The following TSHZ3 variants were observed in gnomAD, a reference collection of about 807,000 sequenced individuals.
TSHZ3 encodes teashirt zinc finger homeobox 3, also known as teashirt homolog 3.
In TSHZ3, 10 loss-of-function variants were observed where a neutral mutation model predicts 64.5. The observed-to-expected ratio is 0.16, with a 90% CI of 0.10 to 0.26. The LOEUF (loss-of-function observed/expected upper bound fraction) is 0.26, where lower values mean the gene tolerates loss of function less well. TSHZ3 is among the 10% of genes least tolerant of loss of function. TSHZ3 has a pLI of 1.00. For synonymous variants in TSHZ3, 608 were observed against 593.1 expected (o/e 1.03, Z -0.36); for missense variants, 1,242 against 1,421.7 (o/e 0.87, Z 2.03).
intron 6 of TSHZ3, among the ~76,000 whole-genome samples, chr19:31,153,870 G>A (rs1242136207): frequency 6.6e-6 from 1 of 152,184 alleles, no homozygotes; most frequent in Non-Finnish European, 1.5e-5. Context: ...CACCTTTGGT[G>A]GATAGAGTTA....
intron 5 of TSHZ3, among the ~76,000 whole-genome samples, chr19:31,166,378 C>T (rs533064235): frequency 6.6e-6 from 1 of 152,168 alleles, no homozygotes; most frequent in African/African-American, 2.4e-5. Flanking sequence ...TGTGACAGGG[C>T]AGGGAGCCTG....
At chr19:31,331,508 G>T (rs117590834) in intron 1 of TSHZ3, among the ~76,000 whole-genome samples, 1 of 152,130 alleles carries the variant, frequency 6.6e-6, no homozygotes, top group Non-Finnish European at 1.5e-5. Flanking sequence ...AGATGTGGCC[G>T]AAATGTGCCC....
rs540336759 is a variant in TSHZ3 at position 31,193,784 on chromosome 19, G to C, written n.809+11172C>G. 5.9e-5 allele frequency among the ~76,000 whole-genome samples: 9 copies of C among 152,206 alleles called. No homozygotes were observed. In the South Asian group the frequency reaches 1.2e-3, roughly 21 times the overall value. Reference sequence around the variant, plus strand: ...TTCTTTGGAAAGGAGAACAAATACTGTTATCATAATGTATTTTTGTTAATT... The same window carrying C: ...TTCTTTGGAAAGGAGAACAAATACTCTTATCATAATGTATTTTTGTTAATT... On this transcript the variant is annotated intron_variant and non_coding_transcript_variant, in intron 5 of 6. Coordinates refer to the TSHZ3 transcript ENST00000651361.
chr19:31,313,165 C>T (rs538655108), intron 1 of TSHZ3, among the ~76,000 whole-genome samples: 2 of 152,116 alleles, frequency 1.3e-5, no homozygotes, highest in African/African-American at 2.4e-5. Context: ...CTGCGGGAAG[C>T]CCCAGGTGAG....
At chr19:31,180,836 C>T (rs1325411972) in intron 5 of TSHZ3, among the ~76,000 whole-genome samples, 2 of 152,190 alleles carry the variant, frequency 1.3e-5, no homozygotes. Flanking sequence ...GGCCATTCTC[C>T]TGTGCAGAGG....
chr19:31,162,910 C>G (rs1270122020), intron 5 of TSHZ3, among the ~76,000 whole-genome samples: 2 of 152,146 alleles, frequency 1.3e-5, no homozygotes, highest in Non-Finnish European at 2.9e-5. Context: ...AGAGGACCCA[C>G]TTTGTCTCAG....
intron 5 of TSHZ3, among the ~76,000 whole-genome samples, chr19:31,164,459 C>G (rs965023305): frequency 6.6e-6 from 1 of 152,184 alleles, no homozygotes; most frequent in Non-Finnish European, 1.5e-5. Context: ...ATTTCCCTGG[C>G]AGCCACCTAC....
chr19:31,249,623 T>C (rs1447658325), intron 1 of TSHZ3, among the ~76,000 whole-genome samples: 2 of 152,216 alleles, frequency 1.3e-5, no homozygotes, highest in Non-Finnish European at 2.9e-5. Flanking sequence ...TCTTTCCCCT[T>C]GGGCAGGAAA....
In TSHZ3 at chr19:31,286,799, C is replaced by T. The variant is rs377406119; in HGVS notation, c.41-7047G>A. On this transcript the variant is annotated intron_variant, in intron 1 of 1. Transcript: ENST00000240587. ...ACCCTTCCAGGAGGGTCCAGCATCC[C>T]CACCCTCAGCTCACCAGTGGTGTGG... 4.6e-5 allele frequency among the ~76,000 whole-genome samples: 7 copies of T among 152,306 alleles called. No homozygotes were observed. In the East Asian group the frequency reaches 1.3e-3, roughly 29 times the overall value.
downstream of TSHZ3, among the ~76,000 whole-genome samples, chr19:31,273,406 A>G (rs969311909): frequency 1.2e-4 from 19 of 152,160 alleles, no homozygotes; most frequent in Non-Finnish European, 2.9e-5. Flanking sequence ...CCCAAATTGG[A>G]AAGCCCAGAA....
intron 3 of TSHZ3, among the ~76,000 whole-genome samples, chr19:31,228,588 AT>A (rs1216575911): frequency 2.0e-5 from 3 of 151,238 alleles, no homozygotes; most frequent in Non-Finnish European, 4.4e-5. Context: ...TATGTGTCTT[AT>A]TTTTCAATCA....
chr19:31,278,046 C>A lies in TSHZ3; in HGVS notation c.1747G>T (p.Val583Phe). ...LKPMFGNSEI[V>F]SPTKNQTLVS... ...AGGGTCTGGTTTTTCGTCGGGGAGA[C>A]AATCTCACTGTTGCCAAACATGGGT... The change falls in exon 2 of 2, where the codon GTC becomes TTC. Residue 583 changes from valine (V) to phenylalanine (F), a missense_variant. By Grantham distance (50) the Val-to-Phe change is conservative (BLOSUM62 -1). Around this residue, in one of 4 missense-constraint regions of TSHZ3, gnomAD observed 550 missense variants for 545.1 expected, o/e 1.01. Transcript: ENST00000240587. The surrounding 1 kb of genome is among the most constrained non-coding windows in gnomAD (Gnocchi z 4.7). The A allele has an allele frequency of 6.2e-7, 1 of 1,613,364 alleles. No homozygotes were observed. The highest frequency in any genetic ancestry group is 8.5e-7 in the Non-Finnish European group (1 of 1,179,350).
chr19:31,223,459 G>GA (rs965337148), intron 4 of TSHZ3, among the ~76,000 whole-genome samples: 13 of 148,024 alleles, frequency 8.8e-5, no homozygotes, highest in Non-Finnish European at 1.9e-4. Flanking sequence ...CCAAAGACAA[G>GA]AAAAAAAAAG....
intron 1 of TSHZ3, chr19:31,308,736 ACCGTCTAAGACC>A: frequency 2.5e-6 from 1 of 398,594 alleles, no homozygotes; most frequent in Non-Finnish European, 4.4e-6. Context: ...ACAGGGACAC[ACCGTCTAAGACC>A]CCTGCTGAAA....
At chr19:31,307,356 G>A (rs918681231) in intron 1 of TSHZ3, among the ~76,000 whole-genome samples, 6 of 151,966 alleles carry the variant, frequency 3.9e-5, no homozygotes, top group Admixed American at 1.3e-4. Flanking sequence ...TGTGGCCTAC[G>A]ATGGGGCCAA....
At chr19:31,211,809 G>T (rs1031348880) in intron 4 of TSHZ3, among the ~76,000 whole-genome samples, 1 of 152,148 alleles carries the variant, frequency 6.6e-6, no homozygotes, top group Non-Finnish European at 1.5e-5. Flanking sequence ...CAAAGCAGGA[G>T]CTGCAGGACC....
chr19:31,234,326 T>G (rs1029444471), intron 3 of TSHZ3, among the ~76,000 whole-genome samples: 1 of 152,194 alleles, frequency 6.6e-6, no homozygotes, highest in African/African-American at 2.4e-5. Context: ...ACATTTTTAT[T>G]TCTTCTTTTT....
intron 1 of TSHZ3, among the ~76,000 whole-genome samples, chr19:31,282,032 G>T (rs1599623354): frequency 1.3e-5 from 2 of 152,212 alleles, no homozygotes; most frequent in East Asian, 3.9e-4. Context: ...CATCCAGGTG[G>T]GTCTGCAACC....
chr19:31,281,228 A>G (rs1195521775), intron 1 of TSHZ3, among the ~76,000 whole-genome samples: 3 of 152,120 alleles, frequency 2.0e-5, no homozygotes, highest in African/African-American at 2.4e-5. Context: ...GAAAACCAAC[A>G]ACAACAATAA....
Sources: gnomAD v4.1 joint callset for allele counts (sites outside exome capture counted in the v4.1 genomes callset) on GRCh38, gnomAD v4.1.1 for gene constraint, gnomAD v4.1.1 regional missense constraint, Gnocchi (gnomAD v3.1) non-coding constraint, MANE v1.5 for transcripts, NCBI Gene and HGNC (gene_info 2026-07-23, HGNC 2026-07-21) for gene names.